Variants in PTPRN2 observed in about 807,000 individuals in gnomAD.
The protein encoded by PTPRN2 is protein tyrosine phosphatase receptor type N2, also known as receptor-type tyrosine-protein phosphatase N2.
A neutral mutation model predicts 118.8 loss-of-function variants in PTPRN2; 74 were observed. That is an observed-to-expected ratio of 0.62 (90% CI 0.52 to 0.76). The LOEUF is 0.76. Ranked by LOEUF, PTPRN2 falls within the 30% of genes least tolerant of loss-of-function variation. The pLI, the probability that PTPRN2 is intolerant of heterozygous loss-of-function variation, is 0.00. For missense variants in PTPRN2, 1,481 were observed against 1,394.4 expected (o/e 1.06, Z -0.99); for synonymous variants, 641 against 608.0 (o/e 1.05, Z -0.80).
intron 14 of PTPRN2, among the ~76,000 whole-genome samples, chr7:157,631,372 G>A (rs1361376163): frequency 1.3e-5 from 2 of 152,136 alleles, no homozygotes; most frequent in African/African-American, 2.4e-5. Flanking sequence ...GACCGGGAAC[G>A]CTACTGAACT....
chr7:158,559,742 T>C (rs1319864279), intron 1 of PTPRN2, among the ~76,000 whole-genome samples: 3 of 152,160 alleles, frequency 2.0e-5, no homozygotes, highest in Non-Finnish European at 4.4e-5. Context: ...CCCTCATGAC[T>C]GGGGTCCTTG....
intron 21 of PTPRN2, among the ~76,000 whole-genome samples, chr7:157,561,103 A>T (rs529459878): frequency 1.1e-4 from 17 of 150,440 alleles, no homozygotes; most frequent in African/African-American, 3.9e-4. Flanking sequence ...TCCCCCAGCC[A>T]TCTGGTTCTG....
At chr7:158,172,747 A>T (rs1389690239) in intron 5 of PTPRN2, among the ~76,000 whole-genome samples, 1 of 147,836 alleles carries the variant, frequency 6.8e-6, no homozygotes, top group Non-Finnish European at 1.5e-5. Flanking sequence ...CCACAGCAGG[A>T]TCCCCACCAT....
intron 14 of PTPRN2, among the ~76,000 whole-genome samples, chr7:157,655,144 GC>G (rs1283599921): frequency 6.6e-6 from 1 of 152,206 alleles, no homozygotes; most frequent in Non-Finnish European, 1.5e-5. Context: ...TCGTGGGCTC[GC>G]CCCAGGGAGT....
At chr7:157,664,459 G>A (rs1796039720) in intron 13 of PTPRN2, among the ~76,000 whole-genome samples, 3 of 152,256 alleles carry the variant, frequency 2.0e-5, no homozygotes, top group Admixed American at 2.0e-4. Context: ...ACCATTCTGT[G>A]TGGTGAGTTT....
intron 9 of PTPRN2, among the ~76,000 whole-genome samples, chr7:158,132,590 T>G (rs929417974): frequency 3.9e-4 from 34 of 88,066 alleles, no homozygotes; most frequent in Non-Finnish European, 8.7e-5. Context: ...GACACATGCA[T>G]ATGCACAGAT....
At chr7:157,927,142 C>T (rs1296482783) in intron 11 of PTPRN2, among the ~76,000 whole-genome samples, 6 of 127,964 alleles carry the variant, frequency 4.7e-5, no homozygotes, top group African/African-American at 9.7e-5. Flanking sequence ...TCTGGGACCC[C>T]GAAGACAGGA....
At chr7:157,806,606 A>G (rs1198792067) in intron 12 of PTPRN2, among the ~76,000 whole-genome samples, 1 of 152,180 alleles carries the variant, frequency 6.6e-6, no homozygotes, top group Non-Finnish European at 1.5e-5. Context: ...GTGCCCATAA[A>G]GATATATGCA....
chr7:157,888,338 G>T (rs1027433846), intron 12 of PTPRN2, among the ~76,000 whole-genome samples: 2 of 152,104 alleles, frequency 1.3e-5, no homozygotes, highest in African/African-American at 4.8e-5. Context: ...GACACCTCAG[G>T]CTTTTTAGAT....
intron 10 of PTPRN2, among the ~76,000 whole-genome samples, chr7:158,085,692 CCACA>C (rs1163241627): frequency 1.4e-5 from 2 of 141,624 alleles, no homozygotes; most frequent in Non-Finnish European, 3.0e-5. Context: ...TGACACCCAT[CCACA>C]CAGATACCCA....
rs1001530702 is a variant in PTPRN2, at chr7:157,598,470, G to C, written c.2419-3155C>G. On this transcript the variant is annotated intron_variant, in intron 16 of 22. Transcript: ENST00000389418. This position sits in a 1 kb window ranked among gnomAD's most constrained non-coding sequence, Gnocchi z 5.2. ...GTCTCCATATCTGTATGGTGGGTGA[G>C]CTCAGGGAGTGAGGAGCTTGGACGT... Among the ~76,000 whole-genome samples, 32 of 147,862 alleles carry C rather than the reference G, an allele frequency of 2.2e-4. No individual in the cohort carries two copies. Among genetic ancestry groups the C allele is most frequent in the African/African-American group, 8.3e-4 (31 of 37,552 alleles).
rs371439098 is a variant in PTPRN2, at chr7:158,061,656, C to T, written c.1723+19642G>A. The stretch of plus-strand genomic sequence containing the variant: ...GGCTCCAGGATTGTCATTTCAGCAC[C>T]GCTGCCCATGGTCCAAGAGCCGTAG... On this transcript the variant is annotated intron_variant, in intron 11 of 22. Coordinates refer to ENST00000389418, the MANE Select transcript of PTPRN2 (RefSeq NM_002847.5). Among the ~76,000 whole-genome samples the T allele has an allele frequency of 1.1e-4, 17 of 152,310 alleles. No individual in the cohort carries two copies. The East Asian group carries it at 2.3e-3, about 21-fold the overall frequency.
intron 12 of PTPRN2, among the ~76,000 whole-genome samples, chr7:157,851,619 C>T (rs1045192551): frequency 5.3e-5 from 8 of 152,138 alleles, no homozygotes; most frequent in Non-Finnish European, 1.0e-4. Context: ...GCCAAGGGCA[C>T]CTTGTGTCCC....
intron 9 of PTPRN2, among the ~76,000 whole-genome samples, chr7:158,126,415 C>T (rs28527283): frequency 2.0e-4 from 4 of 20,482 alleles, no homozygotes; most frequent in African/African-American, 8.6e-4. Context: ...GGACAGCGGG[C>T]GGCGGAACTT....
rs185019620 is a variant in PTPRN2, at chr7:158,395,773, T to C, written c.164-78841A>G. 9.2e-3 allele frequency among the ~76,000 whole-genome samples: 141 copies of C among 15,378 alleles called. 3 individuals are homozygous for C. The highest frequency in any genetic ancestry group is 0.024 in the African/African-American group (74 of 3,042). The allele number at this position is 15,378 out of a possible 152,430, so 10.1% of individuals were successfully genotyped here. A position where few individuals can be genotyped will look rare whatever the true frequency, so the allele number is the denominator to read the frequency against. On this transcript the variant is annotated intron_variant, in intron 2 of 22. Transcript: ENST00000389418. ...GGGGTGAGGCGCGAGGGGCGAGGGG[T>C]GAGGCGCGAGGGGCGAGGGGTGAGG...
chr7:158,363,151 C>T (rs1262373823), intron 2 of PTPRN2, among the ~76,000 whole-genome samples: 1 of 152,132 alleles, frequency 6.6e-6, no homozygotes, highest in Non-Finnish European at 1.5e-5. Flanking sequence ...GACAGCAGCT[C>T]GCCAGCCTTC....
chr7:157,889,407 C>T (rs1158861575), intron 12 of PTPRN2, among the ~76,000 whole-genome samples: 3 of 152,202 alleles, frequency 2.0e-5, no homozygotes, highest in Non-Finnish European at 4.4e-5. Flanking sequence ...CCTGAAACTG[C>T]TCTTCCTTTT....
At chr7:158,530,724 C>G (rs1825158709) in intron 1 of PTPRN2, among the ~76,000 whole-genome samples, 1 of 152,212 alleles carries the variant, frequency 6.6e-6, no homozygotes, top group Admixed American at 6.5e-5. Context: ...TGCAAAGACC[C>G]AGACCACAAA....
At chr7:157,549,116 G>A in intron 21 of PTPRN2, 97 bp from the exon 22 acceptor site, 1 of 1,215,982 alleles carries the variant, frequency 8.2e-7, no homozygotes, top group Non-Finnish European at 1.2e-6. Flanking sequence ...TGGGCTGAGA[G>A]GCCAATTGAA....
Sources: allele counts gnomAD v4.1 joint callset (sites outside exome capture counted in the v4.1 genomes callset), GRCh38; gene constraint gnomAD v4.1.1; non-coding constraint Gnocchi (gnomAD v3.1); transcripts MANE v1.5; gene names NCBI Gene and HGNC (gene_info 2026-07-23, HGNC 2026-07-21).